ERCC1: variants seen among roughly 807,000 people sequenced by gnomAD.
The protein encoded by ERCC1 is DNA excision repair protein ERCC-1.
A neutral mutation model predicts 37.6 loss-of-function variants in ERCC1; 36 were observed. The observed-to-expected ratio is 0.96, with a 90% CI of 0.73 to 1.26. The LOEUF is 1.26. ERCC1 is among the 50% of genes most tolerant of loss of function. The pLI is 0.00. For synonymous variants in ERCC1, 156 were observed against 162.1 expected (o/e 0.96, Z 0.28); for missense variants, 349 against 376.5 (o/e 0.93, Z 0.60).
chr19:45,437,739 G>A (rs1173659081), intron 1 of ERCC1, among the ~76,000 whole-genome samples: 2 of 152,160 alleles, frequency 1.3e-5, no homozygotes, highest in Non-Finnish European at 2.9e-5. Context: ...TGATCAAAGG[G>A]TGCAAAGTTT....
At chr19:45,422,211 C>T (rs1974479394) in intron 2 of ERCC1, among the ~76,000 whole-genome samples, 1 of 152,158 alleles carries the variant, frequency 6.6e-6, no homozygotes, top group Non-Finnish European at 1.5e-5. Flanking sequence ...AAAGCCAAAG[C>T]TGTCACCATC....
intron 8 of ERCC1, 99 bp from the exon 9 acceptor site, chr19:45,413,844 C>A: frequency 6.3e-7 from 1 of 1,593,530 alleles, no homozygotes; most frequent in South Asian, 1.1e-5. Flanking sequence ...GAGATGAGGG[C>A]CTGTGGGAAG....
intron 2 of ERCC1, 22 bp from the exon 3 acceptor site, chr19:45,421,415 G>T (rs754987606): frequency 5.2e-5 from 81 of 1,568,544 alleles, no homozygotes; most frequent in Non-Finnish European, 6.7e-5. Context: ...AAGGGAGTTT[G>T]CAGGGGACTG....
intron 4 of ERCC1, 190 bp from the exon 5 acceptor site, chr19:45,419,387 C>A: frequency 1.7e-6 from 1 of 596,758 alleles, no homozygotes; most frequent in Non-Finnish European, 3.1e-6. Context: ...GGATTGGCAG[C>A]CAGGGCCACA....
chr19:45,432,885 G>A (rs1974870653), intron 1 of ERCC1, among the ~76,000 whole-genome samples: 1 of 152,100 alleles, frequency 6.6e-6, no homozygotes, highest in African/African-American at 2.4e-5. Context: ...TGACCAACAT[G>A]ACCTGACCAA....
upstream of ERCC1, among the ~76,000 whole-genome samples, chr19:45,426,372 C>G (rs1432783674): frequency 2.3e-5 from 2 of 88,226 alleles, no homozygotes; most frequent in Non-Finnish European, 3.9e-5. Context: ...GAGCCAGACT[C>G]TGTCTCAAAA....
chr19:45,450,990 C>T (rs1327070304), intron 1 of ERCC1, among the ~76,000 whole-genome samples: 1 of 146,188 alleles, frequency 6.8e-6, no homozygotes, highest in Non-Finnish European at 1.5e-5. Context: ...GGCTGGGTGG[C>T]GCGGCCGCAC....
At chr19:45,423,500 T>TC in intron 1 of ERCC1, 119 bp from the exon 2 acceptor site, 1 of 1,489,330 alleles carries the variant, frequency 6.7e-7, no homozygotes, top group Non-Finnish European at 8.9e-7. Context: ...TAGCGTCAGG[T>TC]CCCCAACACC....
intron 2 of ERCC1, among the ~76,000 whole-genome samples, chr19:45,422,361 T>C (rs550518888): frequency 6.6e-6 from 1 of 152,202 alleles, no homozygotes; most frequent in African/African-American, 2.4e-5. Context: ...ACCTCAGGGC[T>C]TTGGCACTGG....
At chr19:45,432,124 G>A (rs910622690) in intron 1 of ERCC1, among the ~76,000 whole-genome samples, 7 of 151,518 alleles carry the variant, frequency 4.6e-5, no homozygotes, top group Non-Finnish European at 7.4e-5. Flanking sequence ...GGCATGTGCC[G>A]CCACACCGGG....
chr19:45,438,315 G>C lies in ERCC1; in HGVS notation c.-7-14934C>G, dbSNP rs549635595. ...ACTCCTGGGCTCAAGCCATCCTCCT[G>C]CTTCGGCCTCCCAAACTGCTGGATT... is the stretch of plus-strand genomic sequence containing the variant. On this transcript the variant is annotated intron_variant, in intron 1 of 8. Transcript: ENST00000423698. 1.8e-4 allele frequency among the ~76,000 whole-genome samples: 28 copies of C among 152,244 alleles called. No individual in the cohort carries two copies. The South Asian group carries it at 5.8e-3, about 32-fold the overall frequency.
At chr19:45,414,779 T>G (rs1460492465) in intron 7 of ERCC1, 82 bp downstream of exon 7, 2 of 945,022 alleles carry the variant, frequency 2.1e-6, no homozygotes, top group African/African-American at 3.2e-5. Flanking sequence ...GAATGGACAG[T>G]GCCTTAAAAT....
At chr19:45,424,057 G>A (rs3212931), upstream of ERCC1, 1 of 1,043,508 alleles carries the variant, frequency 9.6e-7, no homozygotes, top group Admixed American at 5.6e-5. Context: ...AAACTGTTAA[G>A]TTTCAAAGCC....
rs796814956 is a variant in ERCC1 at position 45,409,239 on chromosome 19, A to C, written c.*436T>G. 4.3e-6 allele frequency: 7 copies of C among 1,611,358 alleles called. No individual in the cohort carries two copies. The highest frequency in any genetic ancestry group is 1.7e-4 in the Middle Eastern group (1 of 6,054). On this transcript the variant is annotated 3_prime_UTR_variant, in exon 10 of 10. Transcript: ENST00000300853. ...GCAGCTCCCACATCCACCAAGAAGA[A>C]GAAGAAGAAGAAAGAGAGAGGTCAC... is the stretch of plus-strand genomic sequence containing the variant.
Position 45,414,054 on chromosome 19 carries a change from G to C in ERCC1, c.703-20C>G, listed in dbSNP as rs377266938. ...AGTCACCTGGAAAGGGTGGAGGCAG[G>C]AGTGTGTCGGAAGAAGAAAGGCCAG... On this transcript the variant is annotated intron_variant, in intron 7 of 9. Transcript: ENST00000300853. 1.2e-6 allele frequency: 2 copies of C among 1,606,228 alleles called. No homozygotes were observed. The highest frequency in any genetic ancestry group is 4.5e-5 in the East Asian group (2 of 44,848).
At chr19:45,415,399 G>A (rs1051032996) in intron 6 of ERCC1, among the ~76,000 whole-genome samples, 2 of 150,752 alleles carry the variant, frequency 1.3e-5, no homozygotes, top group African/African-American at 4.9e-5. Context: ...CACTTTGGGA[G>A]GCTGAGGTGA....
At chr19:45,440,158 A>G (rs184501421) in intron 1 of ERCC1, among the ~76,000 whole-genome samples, 1 of 145,166 alleles carries the variant, frequency 6.9e-6, no homozygotes, top group Non-Finnish European at 1.5e-5. Context: ...CTGCCTTCCT[A>G]CGTCCCCCAC....
chr19:45,427,034 A>G (rs1349290176), upstream of ERCC1, among the ~76,000 whole-genome samples: 1 of 146,382 alleles, frequency 6.8e-6, no homozygotes, highest in South Asian at 2.3e-4. Context: ...GAGGCTGAGG[A>G]GGGAGAATTG....
chr19:45,442,235 G>A (rs1458525720), intron 1 of ERCC1, among the ~76,000 whole-genome samples: 1 of 151,278 alleles, frequency 6.6e-6, no homozygotes, highest in Non-Finnish European at 1.5e-5. Flanking sequence ...TGGGAGGATC[G>A]GTTGAGCCCA....
Sources: gnomAD v4.1 joint callset for allele counts (sites outside exome capture counted in the v4.1 genomes callset) on GRCh38, gnomAD v4.1.1 for gene constraint, MANE v1.5 for transcripts, NCBI Gene and HGNC (gene_info 2026-07-23, HGNC 2026-07-21) for gene names.